CNTNAP2: variants seen among roughly 807,000 people sequenced by gnomAD.
CNTNAP2 encodes contactin associated protein 2.
In CNTNAP2, 98 loss-of-function variants were observed where a neutral mutation model predicts 155.2. That is an observed-to-expected ratio of 0.63 (90% CI 0.54 to 0.75). The LOEUF (loss-of-function observed/expected upper bound fraction) is 0.75, where lower values mean the gene tolerates loss of function less well. Among genes scored for constraint, CNTNAP2 ranks in the 30% least tolerant of loss-of-function variants. The pLI is 0.00. For missense variants in CNTNAP2, 1,727 were observed against 1,688.1 expected (o/e 1.02, Z -0.40); for synonymous variants, 651 against 631.2 (o/e 1.03, Z -0.47).
At chr7:146,647,135 A>C (rs1388959094) in intron 1 of CNTNAP2, among the ~76,000 whole-genome samples, 1 of 152,126 alleles carries the variant, frequency 6.6e-6, no homozygotes. Flanking sequence ...GAGGCAGGTA[A>C]ATCCCAGGAG....
At chr7:147,821,281 G>A (rs934752401) in intron 13 of CNTNAP2, among the ~76,000 whole-genome samples, 6 of 152,096 alleles carry the variant, frequency 3.9e-5, no homozygotes, top group African/African-American at 7.2e-5. Flanking sequence ...CATTGAGTGG[G>A]CAATTCATTG....
intron 10 of CNTNAP2, among the ~76,000 whole-genome samples, chr7:147,435,089 G>A (rs1162622730): frequency 6.6e-6 from 1 of 152,124 alleles, no homozygotes; most frequent in African/African-American, 2.4e-5. Flanking sequence ...TCTGAAGGAA[G>A]CATTTTGTAC....
intron 9 of CNTNAP2, among the ~76,000 whole-genome samples, chr7:147,366,128 G>C (rs917644346): frequency 1.3e-5 from 2 of 152,122 alleles, no homozygotes; most frequent in African/African-American, 4.8e-5. Flanking sequence ...ATAGTCTTAA[G>C]GCTATTCAGG....
At chr7:147,591,355 G>A (rs1397293523) in intron 12 of CNTNAP2, among the ~76,000 whole-genome samples, 1 of 152,168 alleles carries the variant, frequency 6.6e-6, no homozygotes, top group South Asian at 2.1e-4. Context: ...TTTTCAAATG[G>A]TCTTTCCTCA....
At chr7:146,233,223 A>G (rs978303973) in intron 1 of CNTNAP2, among the ~76,000 whole-genome samples, 1 of 152,130 alleles carries the variant, frequency 6.6e-6, no homozygotes, top group Non-Finnish European at 1.5e-5. Context: ...AGATAGGAAC[A>G]TTTATCACAG....
At chr7:147,404,181 G>A (rs137979082) in intron 10 of CNTNAP2, among the ~76,000 whole-genome samples, 6 of 152,236 alleles carry the variant, frequency 3.9e-5, no homozygotes, top group African/African-American at 1.2e-4. Context: ...ATAAATTCAC[G>A]TTATTCAAAA....
intron 1 of CNTNAP2, among the ~76,000 whole-genome samples, chr7:146,434,140 T>C (rs1006049690): frequency 2.0e-5 from 3 of 152,152 alleles, no homozygotes; most frequent in African/African-American, 7.2e-5. Flanking sequence ...TGGTGTTCAC[T>C]GTAGCATTAA....
At chr7:146,862,069 G>C (rs1585126904) in intron 3 of CNTNAP2, among the ~76,000 whole-genome samples, 1 of 152,006 alleles carries the variant, frequency 6.6e-6, no homozygotes, top group African/African-American at 2.4e-5. Flanking sequence ...AGTGGATTGG[G>C]GAAAATGAAG....
At chr7:147,252,418 T>G (rs2116661837) in intron 8 of CNTNAP2, among the ~76,000 whole-genome samples, 1 of 152,232 alleles carries the variant, frequency 6.6e-6, no homozygotes. Context: ...TCCCAACAGG[T>G]TTGGTGACAT....
rs1327702808 is a variant in CNTNAP2, at chr7:148,313,368, A to G, written c.3475+46242A>G. ...GGAAGGAGTCAGAGAGCCTTAGGCC[A>G]GAGTTCCAGGGGCTCTGGGAGTGGC... On this transcript the variant is annotated intron_variant, in intron 21 of 23. Coordinates refer to ENST00000361727, the MANE Select transcript of CNTNAP2 (RefSeq NM_014141.6). Among the ~76,000 whole-genome samples the G allele has an allele frequency of 3.3e-5, 5 of 151,994 alleles. No homozygotes were observed. In the East Asian group the frequency reaches 9.7e-4, roughly 29 times the overall value.
At chr7:147,001,379 C>T (rs1402029157) in intron 3 of CNTNAP2, among the ~76,000 whole-genome samples, 1 of 151,956 alleles carries the variant, frequency 6.6e-6, no homozygotes, top group African/African-American at 2.4e-5. Context: ...TTAAATGGAA[C>T]ACTTAAAACA....
intron 8 of CNTNAP2, among the ~76,000 whole-genome samples, chr7:147,269,334 A>G (rs1483212888): frequency 1.3e-5 from 2 of 152,150 alleles, no homozygotes; most frequent in African/African-American, 4.8e-5. Flanking sequence ...CTCTCAAGCT[A>G]TTTCAGCAGA....
chr7:146,850,460 T>TA (rs1446691787), intron 3 of CNTNAP2, among the ~76,000 whole-genome samples: 1 of 152,318 alleles, frequency 6.6e-6, no homozygotes, highest in Admixed American at 6.5e-5. Flanking sequence ...TAATAAATAA[T>TA]AACAGCCAAC....
At chr7:147,473,271 G>A (rs1798259338) in intron 10 of CNTNAP2, among the ~76,000 whole-genome samples, 1 of 152,186 alleles carries the variant, frequency 6.6e-6, no homozygotes, top group Non-Finnish European at 1.5e-5. Flanking sequence ...GGGGCCGAAA[G>A]GGAGAGTTTT....
At chr7:148,296,308 G>T (rs1797283107) in intron 21 of CNTNAP2, among the ~76,000 whole-genome samples, 1 of 151,810 alleles carries the variant, frequency 6.6e-6, no homozygotes, top group Admixed American at 6.6e-5. Flanking sequence ...CACTGAGGTG[G>T]GCAGATTGCC....
rs1047194171 is a variant in CNTNAP2, at chr7:147,155,412, C to T, written c.1348+22903C>T. 2.0e-5 allele frequency among the ~76,000 whole-genome samples: 3 copies of T among 152,102 alleles called. No homozygotes were observed. The South Asian group carries it at 6.2e-4, about 32-fold the overall frequency. On this transcript the variant is annotated intron_variant, in intron 8 of 23. Transcript: ENST00000361727. ...TAGTAGCCCAAACAAACCAAGACAG[C>T]AGGTAGCATAGTTACTGAAGGAACA...
intron 1 of CNTNAP2, among the ~76,000 whole-genome samples, chr7:146,723,479 A>G (rs344465): frequency 0.069 from 10,572 of 152,246 alleles, 423 homozygotes; most frequent in East Asian, 0.12. Flanking sequence ...TAGACTTACT[A>G]AAATTATACC....
intron 15 of CNTNAP2, among the ~76,000 whole-genome samples, chr7:147,981,328 C>T (rs1228790232): frequency 1.3e-5 from 2 of 152,178 alleles, no homozygotes; most frequent in Admixed American, 6.5e-5. Context: ...CTAGCCTCAG[C>T]CACACATGTC....
At chr7:147,850,865 A>G (rs1798924521) in intron 13 of CNTNAP2, among the ~76,000 whole-genome samples, 1 of 152,210 alleles carries the variant, frequency 6.6e-6, no homozygotes, top group Non-Finnish European at 1.5e-5. Context: ...GGCATGGGCA[A>G]GGACTTCATG....
Sources: gnomAD v4.1 joint callset for allele counts (sites outside exome capture counted in the v4.1 genomes callset) on GRCh38, gnomAD v4.1.1 for gene constraint, MANE v1.5 for transcripts, NCBI Gene and HGNC (gene_info 2026-07-23, HGNC 2026-07-21) for gene names.